The following RRM2B variants were observed in gnomAD, a reference collection of about 807,000 sequenced individuals.
RRM2B encodes ribonucleoside-diphosphate reductase subunit M2 B.
RRM2B carries 20 observed loss-of-function variants against 45.9 expected under a neutral mutation model. That is an observed-to-expected ratio of 0.44 (90% CI 0.31 to 0.63). The LOEUF is 0.63. Ranked by LOEUF, RRM2B falls within the 30% of genes least tolerant of loss-of-function variation. The pLI, the probability that RRM2B is intolerant of heterozygous loss-of-function variation, is 0.09. For synonymous variants in RRM2B, 124 were observed against 132.3 expected (o/e 0.94, Z 0.43); for missense variants, 320 against 414.7 (o/e 0.77, Z 1.98).
intron 2 of RRM2B, among the ~76,000 whole-genome samples, chr8:102,229,543 A>G (rs967163997): frequency 1.7e-4 from 26 of 152,138 alleles, no homozygotes; most frequent in African/African-American, 5.8e-4. Context: ...AGCTCAACTC[A>G]GGTTTAACTG....
At chr8:102,236,808 C>CACCCAGTTG in intron 1 of RRM2B, among the ~76,000 whole-genome samples, 1 of 152,162 alleles carries the variant, frequency 6.6e-6, no homozygotes. Flanking sequence ...TTCCAGTTTC[C>CACCCAGTTG]GACTGACTCA....
chr8:102,218,283 TGATATTA>T (rs1248811535), intron 6 of RRM2B, among the ~76,000 whole-genome samples: 1 of 152,092 alleles, frequency 6.6e-6, no homozygotes, highest in Admixed American at 6.5e-5. Context: ...AGGAGGACAC[TGATATTA>T]AGAATGACCA....
At chr8:102,237,870 C>T (rs909019191) in intron 1 of RRM2B, among the ~76,000 whole-genome samples, 16 of 152,350 alleles carry the variant, frequency 1.1e-4, no homozygotes, top group African/African-American at 3.8e-4. Flanking sequence ...GAATCTACAA[C>T]TTTCTAAAGA....
chr8:102,228,528 C>T (rs1367933998), intron 2 of RRM2B, among the ~76,000 whole-genome samples: 1 of 152,238 alleles, frequency 6.6e-6, no homozygotes, highest in Non-Finnish European at 1.5e-5. Flanking sequence ...AGGCAGAGGG[C>T]CCACTGAGCC....
At chr8:102,210,587 C>A (rs752080135) in intron 8 of RRM2B, among the ~76,000 whole-genome samples, 3 of 151,932 alleles carry the variant, frequency 2.0e-5, no homozygotes, top group African/African-American at 7.3e-5. Context: ...CTCAGCCTCC[C>A]GAGTAGCTAG....
chr8:102,205,230 T>C lies in RRM2B; in HGVS notation c.*2903A>G, dbSNP rs2132536965. The C allele has an allele frequency of 6.6e-6, 1 of 152,288 alleles. No individual in the cohort carries two copies. The highest frequency in any genetic ancestry group is 3.4e-3 in the Middle Eastern group (1 of 294). The allele number at this position is 152,288 out of a possible 1,614,324, so 9.4% of individuals were successfully genotyped here. On this transcript the variant is annotated 3_prime_UTR_variant, in exon 9 of 9. Coordinates refer to ENST00000251810, the MANE Select transcript of RRM2B (RefSeq NM_015713.5). ...TAGCCCTTAGTTCAGTATCTACAAA[T>C]GAAATTTGGGAATTCTATGACAGTG...
Position 102,224,282 on chromosome 8 carries a change from T to C in RRM2B, c.456-142A>G, listed in dbSNP as rs1810886945. ...CTGCAAGCTCCACCTCCCGGGTTCA[T>C]GCCATTCTCCTGCCTCAGCCTCCCG... On this transcript the variant is annotated intron_variant, in intron 4 of 8. Coordinates refer to ENST00000251810, the MANE Select transcript of RRM2B (RefSeq NM_015713.5). 25 of 615,814 alleles carry C rather than the reference T, an allele frequency of 4.1e-5. 1 individual carries two copies. The highest frequency in any genetic ancestry group is 3.6e-4 in the South Asian group (23 of 63,140). The allele number at this position is 615,814 out of a possible 1,614,324, so 38.1% of individuals were successfully genotyped here.
At chr8:102,224,746 T>C in intron 4 of RRM2B, 139 bp downstream of exon 4, 3 of 850,500 alleles carry the variant, frequency 3.5e-6, no homozygotes, top group Non-Finnish European at 5.5e-6. Flanking sequence ...CCCAATACAT[T>C]ATTAAGCAAT....
At chr8:102,227,189 T>A (rs1220012046) in intron 2 of RRM2B, among the ~76,000 whole-genome samples, 1 of 152,050 alleles carries the variant, frequency 6.6e-6, no homozygotes, top group African/African-American at 2.4e-5. Flanking sequence ...TACATAGGTA[T>A]GGCTTCCATT....
rs1283028277 is a variant in RRM2B at position 102,218,882 on chromosome 8, A to C, written c.616T>G (p.Phe206Val). 2 of 1,613,886 alleles carry C rather than the reference A, an allele frequency of 1.2e-6. No homozygotes were observed. Among genetic ancestry groups the C allele is most frequent in the Non-Finnish European group, 1.7e-6 (2 of 1,179,858 alleles). ...ATAAGACCTCTCTTCTTTAGCCAGA[A>C]TATAGCAGCAAAAGATCCTGAGAAG... The part of the protein sequence containing the change: ...VFFSGSFAAI[F>V]WLKKRGLMPG... The change falls in exon 6 of 9, where the codon TTC becomes GTC. Residue 206 changes from phenylalanine (F) to valine (V), a missense_variant. Physicochemically the swap from Phe to Val is conservative, Grantham distance 50 (BLOSUM62 -1). Transcript: ENST00000251810.
intron 5 of RRM2B, among the ~76,000 whole-genome samples, chr8:102,219,861 C>T (rs1810798092): frequency 6.6e-6 from 1 of 152,168 alleles, no homozygotes; most frequent in Non-Finnish European, 1.5e-5. Context: ...CACAGGACCA[C>T]ACCCAAAGAA....
chr8:102,225,525 C>T (rs1356046850), intron 3 of RRM2B, among the ~76,000 whole-genome samples: 2 of 152,130 alleles, frequency 1.3e-5, no homozygotes, highest in African/African-American at 2.4e-5. Context: ...AGCCACCGTA[C>T]CCGGCCTATC....
chr8:102,223,026 C>T (rs1810861884), intron 5 of RRM2B, among the ~76,000 whole-genome samples: 1 of 151,912 alleles, frequency 6.6e-6, no homozygotes, highest in South Asian at 2.1e-4. Context: ...TACAAAGGGG[C>T]CTGAGACCAA....
intron 1 of RRM2B, chr8:102,238,586 C>T (rs1374035445): frequency 2.0e-6 from 3 of 1,526,856 alleles, no homozygotes; most frequent in Non-Finnish European, 2.6e-6. Flanking sequence ...AAGCGTCGTC[C>T]TTGGCTGGCC....
intron 1 of RRM2B, 72 bp downstream of exon 1, chr8:102,238,755 C>T (rs764074301): frequency 4.3e-6 from 7 of 1,611,404 alleles, no homozygotes; most frequent in Non-Finnish European, 5.1e-6. Flanking sequence ...TTTCCTACAG[C>T]GGTCCTGCAA....
chr8:102,210,817 G>A (rs1810622646), intron 8 of RRM2B, among the ~76,000 whole-genome samples: 1 of 152,046 alleles, frequency 6.6e-6, no homozygotes, highest in Non-Finnish European at 1.5e-5. Flanking sequence ...TGAAACTAGT[G>A]TGGAACTCCT....
chr8:102,221,936 T>G (rs1160698743), intron 5 of RRM2B, among the ~76,000 whole-genome samples: 1 of 152,186 alleles, frequency 6.6e-6, no homozygotes, highest in Non-Finnish European at 1.5e-5. Flanking sequence ...TGTGAGGGAA[T>G]CAGCTGAATA....
intron 1 of RRM2B, among the ~76,000 whole-genome samples, chr8:102,235,541 G>T (rs1405086528): frequency 6.6e-6 from 1 of 152,216 alleles, no homozygotes; most frequent in East Asian, 1.9e-4. Flanking sequence ...TAGGTCATTA[G>T]AAGAGATAAT....
chr8:102,223,180 T>C (rs1810864494), intron 5 of RRM2B, among the ~76,000 whole-genome samples: 1 of 152,182 alleles, frequency 6.6e-6, no homozygotes, highest in South Asian at 2.1e-4. Flanking sequence ...TAAGTATTTA[T>C]TGAGCAACTA....
Sources: allele counts gnomAD v4.1 joint callset (sites outside exome capture counted in the v4.1 genomes callset), GRCh38; gene constraint gnomAD v4.1.1; transcripts MANE v1.5; gene names NCBI Gene and HGNC (gene_info 2026-07-23, HGNC 2026-07-21).